Variants in PSMA3 observed in about 807,000 individuals in gnomAD.
PSMA3 encodes the protein proteasome 20S subunit alpha 3.
A neutral mutation model predicts 40.0 loss-of-function variants in PSMA3; 8 were observed. The observed-to-expected ratio is 0.20, with a 90% CI of 0.12 to 0.36. The LOEUF is 0.36. PSMA3 is among the 10% of genes least tolerant of loss of function. PSMA3 has a pLI of 1.00. For synonymous variants in PSMA3, 110 were observed against 100.0 expected, an observed-to-expected ratio of 1.10 and a Z score of -0.59; for missense variants, 219 against 310.6, an observed-to-expected ratio of 0.70 and a Z score of 2.22.
At position 58,247,741 on chromosome 14, in the gene PSMA3, C is replaced by T. The variant is rs1294483760; in HGVS notation, c.22-9C>T. 1 of 1,569,294 alleles carries T rather than the reference C, an allele frequency of 6.4e-7. No individual in the cohort carries two copies. The highest frequency in any genetic ancestry group is 8.7e-7 in the Non-Finnish European group (1 of 1,146,592). On this transcript the variant is annotated splice_polypyrimidine_tract_variant and intron_variant, in intron 1 of 10. Coordinates refer to ENST00000216455, the MANE Select transcript of PSMA3 (RefSeq NM_002788.4). ...GATACAAGCTTACTGTTGCCCTTTT[C>T]TCCTTAAGTATGACCTGTCAGCCTC...
At chr14:58,271,683 C>T (rs1008778381) in intron 10 of PSMA3, among the ~76,000 whole-genome samples, 168 bp from the exon 11 acceptor site, 4 of 152,150 alleles carry the variant, frequency 2.6e-5, no homozygotes, top group Admixed American at 6.6e-5. Flanking sequence ...GTTAGAGCAA[C>T]ATTTGCTTAA....
intron 3 of PSMA3, among the ~76,000 whole-genome samples, chr14:58,255,331 C>A (rs564352988): frequency 7.3e-4 from 111 of 152,292 alleles, no homozygotes; most frequent in African/African-American, 2.5e-3. Context: ...CTGTTCCACA[C>A]TGATTTTTGC....
intron 5 of PSMA3, 158 bp downstream of exon 5, chr14:58,258,156 G>T: frequency 1.7e-6 from 1 of 585,858 alleles, no homozygotes. Flanking sequence ...AACTACTTGA[G>T]GCTGGGTGCC....
chr14:58,252,863 T>C (rs1234096526), intron 3 of PSMA3, among the ~76,000 whole-genome samples: 2 of 151,490 alleles, frequency 1.3e-5, no homozygotes, highest in African/African-American at 2.4e-5. Flanking sequence ...CCCTGCCACC[T>C]GAAAAGGAAA....
At chr14:58,256,949 C>G (rs947536999) in intron 3 of PSMA3, among the ~76,000 whole-genome samples, 2 of 149,534 alleles carry the variant, frequency 1.3e-5, no homozygotes, top group Non-Finnish European at 3.0e-5. Flanking sequence ...CAAAACCAAA[C>G]CCTGTCTCTA....
intron 3 of PSMA3, among the ~76,000 whole-genome samples, chr14:58,253,397 A>T (rs1890058242): frequency 6.6e-6 from 1 of 152,190 alleles, no homozygotes; most frequent in South Asian, 2.1e-4. Context: ...ATGAAAAGAC[A>T]CCTTATATGA....
At chr14:58,259,295 T>C (rs1276671909) in intron 5 of PSMA3, among the ~76,000 whole-genome samples, 2 of 152,126 alleles carry the variant, frequency 1.3e-5, no homozygotes, top group African/African-American at 4.8e-5. Context: ...AGATAACTTT[T>C]TTTCATAACT....
chr14:58,257,601 C>G lies in PSMA3; in HGVS notation c.229-144C>G, dbSNP rs1890174163. On this transcript the variant is annotated intron_variant, in intron 3 of 10. Transcript: ENST00000216455. ...AATTTCATACTCAAGCATCAAAATG[C>G]CTTGTAGAGAGACCTTTAAGCCAAA... The G allele has an allele frequency of 3.1e-5, 19 of 610,020 alleles. No individual in the cohort carries two copies. In the South Asian group the frequency reaches 4.1e-4, roughly 13 times the overall value. 37.8% of individuals were successfully genotyped at this position (610,020 alleles called of 1,614,324 possible).
intron 6 of PSMA3, 114 bp downstream of exon 6, chr14:58,261,134 A>C: frequency 1.4e-6 from 1 of 722,832 alleles, no homozygotes; most frequent in Non-Finnish European, 2.1e-6. Context: ...CAAGGAAAGT[A>C]ATTTTTCTTT....
intron 3 of PSMA3, among the ~76,000 whole-genome samples, chr14:58,256,765 G>C (rs1177634045): frequency 6.6e-6 from 1 of 152,100 alleles, no homozygotes; most frequent in Non-Finnish European, 1.5e-5. Context: ...AGATTCTGAA[G>C]CGTTTTAAAT....
intron 6 of PSMA3, 120 bp downstream of exon 6, chr14:58,261,140 T>TA: frequency 1.7e-5 from 12 of 705,726 alleles, no homozygotes; most frequent in Non-Finnish European, 2.4e-5. Context: ...AAGTAATTTT[T>TA]CTTTTTTTTT....
At chr14:58,270,818 A>G (rs1430153792) in intron 9 of PSMA3, 116 bp from the exon 10 acceptor site, 3 of 920,530 alleles carry the variant, frequency 3.3e-6, no homozygotes, top group East Asian at 5.2e-5. Flanking sequence ...CTCATAGTAC[A>G]ACTTTGCAAC....
At chr14:58,246,204 G>T (rs1327980562) in intron 1 of PSMA3, among the ~76,000 whole-genome samples, 1 of 152,078 alleles carries the variant, frequency 6.6e-6, no homozygotes, top group East Asian at 1.9e-4. Context: ...TGCTTGACAT[G>T]TCTGTTCACT....
At chr14:58,270,663 C>A (rs1253433793) in intron 9 of PSMA3, among the ~76,000 whole-genome samples, 178 bp downstream of exon 9, 4 of 152,140 alleles carry the variant, frequency 2.6e-5, no homozygotes, top group African/African-American at 9.7e-5. Context: ...TTTGAAACAT[C>A]CATTTCATGG....
intron 3 of PSMA3, among the ~76,000 whole-genome samples, chr14:58,253,965 TTTG>T (rs1038742817): frequency 1.3e-4 from 20 of 152,118 alleles, no homozygotes; most frequent in East Asian, 5.8e-4. Context: ...TTACTGTTTT[TTTG>T]TTGTTGTTGT....
chr14:58,255,170 T>TA (rs1338078080), intron 3 of PSMA3, among the ~76,000 whole-genome samples: 1 of 121,944 alleles, frequency 8.2e-6, no homozygotes, highest in Non-Finnish European at 1.7e-5. Context: ...GTTTACATCC[T>TA]AAAAACTTAG....
intron 3 of PSMA3, among the ~76,000 whole-genome samples, chr14:58,253,594 G>GATTTT (rs1407162748): frequency 6.6e-6 from 1 of 151,846 alleles, no homozygotes; most frequent in Non-Finnish European, 1.5e-5. Context: ...CAAATGACAG[G>GATTTT]ATTTTATTTT....
chr14:58,258,038 C>A, intron 5 of PSMA3, 40 bp downstream of exon 5: 1 of 1,450,962 alleles, frequency 6.9e-7, no homozygotes, highest in Non-Finnish European at 9.7e-7. Context: ...CAGATCTGTA[C>A]TATAGATATT....
chr14:58,269,220 C>T (rs1051214690), intron 8 of PSMA3, among the ~76,000 whole-genome samples: 1 of 152,114 alleles, frequency 6.6e-6, no homozygotes, highest in African/African-American at 2.4e-5. Context: ...ATGTGAACCA[C>T]CGCACCTGGC....
Sources: gnomAD v4.1 joint callset for allele counts (sites outside exome capture counted in the v4.1 genomes callset) on GRCh38, gnomAD v4.1.1 for gene constraint, MANE v1.5 for transcripts, NCBI Gene and HGNC (gene_info 2026-07-23, HGNC 2026-07-21) for gene names.